DLGAP4: variants seen among roughly 807,000 people sequenced by gnomAD.
DLGAP4 encodes disks large-associated protein 4.
Under a neutral mutation model 86.9 loss-of-function variants are expected in DLGAP4, and 18 were observed. The observed-to-expected ratio is 0.21, with a 90% confidence interval of 0.14 to 0.31. The LOEUF is 0.31. Among genes scored for constraint, DLGAP4 ranks in the 10% least tolerant of loss-of-function variants. The pLI is 1.00. For missense variants in DLGAP4, 1,085 were observed against 1,362.6 expected (o/e 0.80, Z 3.21); for synonymous variants, 548 against 574.3 (o/e 0.95, Z 0.65).
intron 1 of DLGAP4, among the ~76,000 whole-genome samples, chr20:36,358,599 G>A (rs532791145): frequency 6.6e-6 from 1 of 152,340 alleles, no homozygotes; most frequent in East Asian, 1.9e-4. Context: ...AAGGTCAGGA[G>A]ATGGAGCACA....
chr20:36,449,356 G>A (rs1263790853), intron 7 of DLGAP4, among the ~76,000 whole-genome samples: 4 of 152,204 alleles, frequency 2.6e-5, no homozygotes, highest in South Asian at 2.1e-4. Flanking sequence ...ACCACTTAAT[G>A]TATTTGAAAA....
At chr20:36,309,526 A>G (rs2065034472) in intron 1 of DLGAP4, among the ~76,000 whole-genome samples, 1 of 152,202 alleles carries the variant, frequency 6.6e-6, no homozygotes, top group African/African-American at 2.4e-5. Context: ...GCATACCCAG[A>G]GGCATTTAGC....
rs1454867247 is a variant in DLGAP4, at chr20:36,501,800, C to T, written c.2512+1189C>T. Among the ~76,000 whole-genome samples the T allele has an allele frequency of 4.6e-5, 7 of 152,324 alleles. No individual in the cohort carries two copies. In the East Asian group the frequency reaches 9.6e-4, roughly 21 times the overall value. ...TCAGAGTCATTGTTTTCACTGTCCT[C>T]TAGGCCAGTTCCCCGCTTTGATGTC... On this transcript the variant is annotated intron_variant, in intron 10 of 12. Coordinates refer to ENST00000339266, the MANE Select transcript of DLGAP4 (RefSeq NM_001365621.2).
chr20:36,455,094 C>T (rs568939420), intron 7 of DLGAP4, among the ~76,000 whole-genome samples: 1 of 152,268 alleles, frequency 6.6e-6, no homozygotes, highest in South Asian at 2.1e-4. Context: ...CCTCCTGCCT[C>T]TCTTCTCTCT....
At position 36,462,417 on chromosome 20, in the gene DLGAP4, C is replaced by A. The variant is rs1275391; in HGVS notation, c.1648+15480C>A. On this transcript the variant is annotated intron_variant, in intron 7 of 12. Transcript: ENST00000339266. ...TCTGTGCCTCTTGCGCTGAAGGCCC[C>A]CCTTTGAGCCTGCTTCTTTGCCTGG... 6.7e-6 allele frequency: 10 copies of A among 1,482,260 alleles called. No homozygotes were observed. In the African/African-American group the frequency reaches 1.2e-4, roughly 18 times the overall value. The allele number at this position is 1,482,260 out of a possible 1,614,324, so 91.8% of individuals were successfully genotyped here. A position where few individuals can be genotyped will look rare whatever the true frequency, so the allele number is the denominator to read the frequency against.
chr20:36,413,671 G>A (rs978124463), intron 2 of DLGAP4, among the ~76,000 whole-genome samples: 3 of 150,946 alleles, frequency 2.0e-5, no homozygotes, highest in Non-Finnish European at 4.4e-5. Flanking sequence ...CACCCTCCTC[G>A]ATCTCCCAAA....
At chr20:36,449,576 C>T (rs1214378310) in intron 7 of DLGAP4, among the ~76,000 whole-genome samples, 2 of 152,208 alleles carry the variant, frequency 1.3e-5, no homozygotes, top group African/African-American at 4.8e-5. Context: ...CTGTCCCAGG[C>T]ACTCTGCTAC....
intron 7 of DLGAP4, chr20:36,461,537 G>A (rs1175511867): frequency 4.1e-6 from 4 of 981,294 alleles, no homozygotes; most frequent in Non-Finnish European, 4.8e-6. Context: ...GGCCGCCGCC[G>A]CCGCCGCCAG....
intron 11 of DLGAP4, among the ~76,000 whole-genome samples, chr20:36,525,316 A>G (rs1244461450): frequency 7.3e-6 from 1 of 136,544 alleles, no homozygotes; most frequent in Admixed American, 7.7e-5. Context: ...ACCTGTTAGG[A>G]GGGCTGGCCC....
intron 1 of DLGAP4, among the ~76,000 whole-genome samples, chr20:36,363,500 G>C (rs181776013): frequency 1.4e-4 from 22 of 152,304 alleles, no homozygotes; most frequent in Admixed American, 9.2e-4. Flanking sequence ...GTGGGGAAAG[G>C]AGGACCGGTG....
chr20:36,308,746 C>T lies in DLGAP4; in HGVS notation c.-304+2234C>T, dbSNP rs1436638781. 6.6e-6 allele frequency among the ~76,000 whole-genome samples: 1 copy of T among 152,138 alleles called. No individual in the cohort carries two copies. The highest frequency in any genetic ancestry group is 1.5e-5 in the Non-Finnish European group (1 of 68,022). Reference sequence around the variant, plus strand: ...ACCGTATGTGACAGAAGCAGGTGGTCCCTACCCTCCTATACTTCCGTGATG... The same window carrying T: ...ACCGTATGTGACAGAAGCAGGTGGTTCCTACCCTCCTATACTTCCGTGATG... On this transcript the variant is annotated intron_variant, in intron 1 of 12. Transcript: ENST00000339266. This position sits in a 1 kb window ranked among gnomAD's most constrained non-coding sequence, Gnocchi z 4.5.
chr20:36,362,811 G>C (rs906292402), intron 1 of DLGAP4, among the ~76,000 whole-genome samples: 1 of 152,186 alleles, frequency 6.6e-6, no homozygotes, highest in African/African-American at 2.4e-5. Flanking sequence ...GCAGGGACAG[G>C]CTCAGGGAAT....
chr20:36,397,683 A>G (rs2032039713), intron 2 of DLGAP4, among the ~76,000 whole-genome samples: 1 of 151,514 alleles, frequency 6.6e-6, no homozygotes, highest in Non-Finnish European at 1.5e-5. Flanking sequence ...GTCTTTTCTC[A>G]TTTTCCTTTT....
At chr20:36,436,826 A>G (rs989653527) in intron 4 of DLGAP4, among the ~76,000 whole-genome samples, 28 of 150,876 alleles carry the variant, frequency 1.9e-4, no homozygotes, top group Non-Finnish European at 3.1e-4. Flanking sequence ...AAAAAAAAAA[A>G]AAAGAAAGAA....
intron 7 of DLGAP4, among the ~76,000 whole-genome samples, chr20:36,460,767 G>A (rs546882763): frequency 4.6e-5 from 7 of 152,336 alleles, no homozygotes; most frequent in East Asian, 1.9e-4. Flanking sequence ...CTGCCAACCC[G>A]GCTCGAGCTG....
intron 2 of DLGAP4, among the ~76,000 whole-genome samples, chr20:36,382,125 G>C (rs945645587): frequency 6.6e-6 from 1 of 152,224 alleles, no homozygotes; most frequent in African/African-American, 2.4e-5. Flanking sequence ...TCTGGAGGTG[G>C]AGAAGCAGCC....
intron 2 of DLGAP4, among the ~76,000 whole-genome samples, chr20:36,408,447 G>T (rs1455220884): frequency 1.3e-5 from 2 of 152,164 alleles, no homozygotes; most frequent in Non-Finnish European, 2.9e-5. Context: ...GCTTCCGCGG[G>T]CATCATCTCC....
At chr20:36,467,063 T>TCTCTCTCTCTCC in intron 7 of DLGAP4, among the ~76,000 whole-genome samples, 1 of 39,382 alleles carries the variant, frequency 2.5e-5, no homozygotes, top group African/African-American at 1.2e-4. Context: ...TCTCTCTCTC[T>TCTCTCTCTCTCC]CCCCCCCCCT....
chr20:36,509,286 A>G (rs1463576749), intron 10 of DLGAP4, among the ~76,000 whole-genome samples: 2 of 151,972 alleles, frequency 1.3e-5, no homozygotes, highest in Admixed American at 6.6e-5. Flanking sequence ...AAAATAAACA[A>G]TTGGCCAGGC....
Sources: gnomAD v4.1 joint callset for allele counts (sites outside exome capture counted in the v4.1 genomes callset) on GRCh38, gnomAD v4.1.1 for gene constraint, Gnocchi (gnomAD v3.1) non-coding constraint, MANE v1.5 for transcripts, NCBI Gene and HGNC (gene_info 2026-07-23, HGNC 2026-07-21) for gene names.